The following RGS8 variants were observed in gnomAD, a reference collection of about 807,000 sequenced individuals.
RGS8 encodes regulator of G-protein signaling 8.
Under a neutral mutation model 21.7 loss-of-function variants are expected in RGS8, and 8 were observed. The observed-to-expected ratio is 0.37, with a 90% CI of 0.22 to 0.66. RGS8 has a LOEUF of 0.66. RGS8 is among the 30% of genes least tolerant of loss of function. The pLI, the probability that RGS8 is intolerant of heterozygous loss-of-function variation, is 0.59. For missense variants in RGS8, 157 were observed against 217.9 expected (o/e 0.72, Z 1.76); for synonymous variants, 80 against 83.6 (o/e 0.96, Z 0.24).
chr1:182,656,233 C>G (rs1340370582), intron 5 of RGS8, among the ~76,000 whole-genome samples: 1 of 152,170 alleles, frequency 6.6e-6, no homozygotes, highest in Non-Finnish European at 1.5e-5. Context: ...TCGGAGCCAC[C>G]CTCCTCTCTC....
chr1:182,678,368 T>C (rs996291792), intron 1 of RGS8, among the ~76,000 whole-genome samples: 4 of 152,226 alleles, frequency 2.6e-5, no homozygotes, highest in African/African-American at 9.6e-5. Flanking sequence ...TGAATGGAAC[T>C]TGATTTTCTG....
chr1:182,672,554 C>T (rs1557898980), upstream of RGS8, among the ~76,000 whole-genome samples: 1 of 152,112 alleles, frequency 6.6e-6, no homozygotes, highest in African/African-American at 2.4e-5. Context: ...CTAACCAGTG[C>T]CAACCACACC....
chr1:182,650,687 C>G (rs796634902), intron 5 of RGS8, among the ~76,000 whole-genome samples: 15 of 152,254 alleles, frequency 9.9e-5, no homozygotes, highest in African/African-American at 2.6e-4. Flanking sequence ...ATGGCAAAAC[C>G]CTATCTCTAC....
intron 5 of RGS8, among the ~76,000 whole-genome samples, chr1:182,648,787 G>A (rs548542710): frequency 3.3e-5 from 5 of 152,036 alleles, no homozygotes; most frequent in African/African-American, 1.2e-4. Flanking sequence ...TGTCCTCAGA[G>A]GCAAGCCATG....
chr1:182,655,172 G>C (rs1191189776), intron 5 of RGS8, among the ~76,000 whole-genome samples: 2 of 152,222 alleles, frequency 1.3e-5, no homozygotes, highest in Non-Finnish European at 2.9e-5. Context: ...TAAGTGGCAA[G>C]GATGCTAAAC....
the RGS8 span, among the ~76,000 whole-genome samples, chr1:182,715,270 TC>T: frequency 2.6e-5 from 4 of 152,200 alleles, no homozygotes; most frequent in East Asian, 7.7e-4. Context: ...AAAACATCTT[TC>T]TCCCAGTTTC....
chr1:182,745,648 C>T, the RGS8 span, among the ~76,000 whole-genome samples: 3 of 152,214 alleles, frequency 2.0e-5, no homozygotes, highest in Non-Finnish European at 4.4e-5. Flanking sequence ...CTCCAACAAT[C>T]ATTGTTAAAC....
the RGS8 span, among the ~76,000 whole-genome samples, chr1:182,745,323 A>G: frequency 6.6e-6 from 1 of 150,624 alleles, no homozygotes; most frequent in African/African-American, 2.4e-5. Context: ...TGAAATTCTG[A>G]AGGGCCTATT....
the RGS8 span, among the ~76,000 whole-genome samples, chr1:182,740,548 G>T: frequency 0.014 from 1,028 of 75,544 alleles, 7 homozygotes; most frequent in African/African-American, 0.016. Flanking sequence ...TTGTTTGTTT[G>T]TTTTTTTTTT....
At chr1:182,697,265 T>C in the RGS8 span, among the ~76,000 whole-genome samples, 5 of 152,364 alleles carry the variant, frequency 3.3e-5, no homozygotes, top group African/African-American at 1.2e-4. Flanking sequence ...GGTACTTGAA[T>C]TTATTTCTAG....
upstream of RGS8, among the ~76,000 whole-genome samples, chr1:182,676,942 G>T (rs956470329): frequency 7.9e-5 from 12 of 152,272 alleles, no homozygotes; most frequent in Non-Finnish European, 1.6e-4. Context: ...TATATGCAAA[G>T]AAATGAGAAA....
At chr1:182,691,268 G>A in the RGS8 span, among the ~76,000 whole-genome samples, 5 of 152,188 alleles carry the variant, frequency 3.3e-5, no homozygotes, top group East Asian at 5.8e-4. Context: ...ACATCATGGA[G>A]TAGCCCAAAT....
the RGS8 span, among the ~76,000 whole-genome samples, chr1:182,708,654 A>G: frequency 2.0e-5 from 3 of 152,210 alleles, no homozygotes; most frequent in Non-Finnish European, 4.4e-5. Context: ...CCAGACAGAG[A>G]CCACTTGTGT....
At position 182,647,023 on chromosome 1, in the gene RGS8, A is replaced by C; in HGVS notation, c.361-106T>G. ...TATGAATGACAGCATCTACATATTT[A>C]AGGTGATTTCTGCTTTTCAAATTGC... On this transcript the variant is annotated intron_variant, in intron 6 of 6. Coordinates refer to ENST00000483095, the Ensembl canonical transcript of RGS8. 7.2e-6 allele frequency: 7 copies of C among 975,066 alleles called. No homozygotes were observed. The South Asian group carries it at 1.1e-4, about 16-fold the overall frequency. 60.4% of individuals were successfully genotyped at this position (975,066 alleles called of 1,614,324 possible).
At chr1:182,683,911 A>G (rs762017382) in intron 1 of RGS8, among the ~76,000 whole-genome samples, 3 of 152,244 alleles carry the variant, frequency 2.0e-5, no homozygotes, top group Middle Eastern at 3.2e-3. Flanking sequence ...TGTGCAAGCA[A>G]CCCATTTAAA....
At chr1:182,673,695 A>G (rs565041510), upstream of RGS8, among the ~76,000 whole-genome samples, 1 of 152,294 alleles carries the variant, frequency 6.6e-6, no homozygotes, top group South Asian at 2.1e-4. Context: ...ATTTCTTATT[A>G]CCCCTTTCTT....
At chr1:182,651,734 G>A (rs961045742) in intron 5 of RGS8, among the ~76,000 whole-genome samples, 8 of 152,188 alleles carry the variant, frequency 5.3e-5, no homozygotes, top group African/African-American at 1.9e-4. Context: ...TAGACAGCCA[G>A]CCTGCCTGCC....
the RGS8 span, among the ~76,000 whole-genome samples, chr1:182,699,762 T>C: frequency 1.3e-5 from 2 of 152,170 alleles, no homozygotes; most frequent in African/African-American, 4.8e-5. Flanking sequence ...GCTGCAGGCC[T>C]GGGGCCTTCC....
chr1:182,702,461 T>C, the RGS8 span, among the ~76,000 whole-genome samples: 1 of 152,176 alleles, frequency 6.6e-6, no homozygotes, highest in Non-Finnish European at 1.5e-5. Context: ...GGATCAGTCA[T>C]ACCCCAAAAC....
Sources: allele counts gnomAD v4.1 joint callset (sites outside exome capture counted in the v4.1 genomes callset), GRCh38; gene constraint gnomAD v4.1.1; transcripts MANE v1.5; gene names NCBI Gene and HGNC (gene_info 2026-07-23, HGNC 2026-07-21).